FGFR1: variants seen among roughly 807,000 people sequenced by gnomAD.
FGFR1 encodes the protein fibroblast growth factor receptor 1.
FGFR1 carries 18 observed loss-of-function variants against 93.7 expected under a neutral mutation model. The ratio of observed to expected loss-of-function variants is 0.19; its 90% confidence interval spans 0.13 to 0.28. The LOEUF is 0.28. FGFR1 is among the 10% of genes least tolerant of loss of function. The pLI is 1.00. For missense variants in FGFR1, 731 were observed against 1,080.4 expected (o/e 0.68, Z 4.53); for synonymous variants, 448 against 429.3 (o/e 1.04, Z -0.54).
chr8:38,427,664 A>AG (rs1415103595), intron 5 of FGFR1, among the ~76,000 whole-genome samples: 2 of 152,222 alleles, frequency 1.3e-5, no homozygotes, highest in Non-Finnish European at 2.9e-5. Flanking sequence ...TATATCAGGA[A>AG]AAGACTCATG....
Position 38,468,447 on chromosome 8 carries a change from C to T in FGFR1, c.-555G>A, listed in dbSNP as rs901616183. The T allele has an allele frequency of 8.7e-5, 20 of 228,614 alleles. No homozygotes were observed. Among genetic ancestry groups the T allele is most frequent in the East Asian group, 4.9e-4 (8 of 16,408 alleles). The allele number at this position is 228,614 out of a possible 1,614,324, so 14.2% of individuals were successfully genotyped here. A position where few individuals can be genotyped will look rare whatever the true frequency, so the allele number is the denominator to read the frequency against. ...TTTCAAGCAGCGGCGCGCTCGCGGC[C>T]GGGGAAGGCGAGGTCGCCGCAATGC... On this transcript the variant is annotated 5_prime_UTR_variant, in exon 1 of 18. Coordinates refer to ENST00000447712, the MANE Select transcript of FGFR1 (RefSeq NM_023110.3).
At chr8:38,461,244 G>T in intron 1 of FGFR1, 8 of 917,628 alleles carry the variant, frequency 8.7e-6, no homozygotes, top group Non-Finnish European at 1.1e-5. Flanking sequence ...TGACCTTGAA[G>T]CTCTCCCACT....
At chr8:38,433,543 T>A (rs573883128) in intron 2 of FGFR1, among the ~76,000 whole-genome samples, 2 of 152,226 alleles carry the variant, frequency 1.3e-5, no homozygotes, top group South Asian at 4.1e-4. Flanking sequence ...CTCCAGACCT[T>A]AAGTGATCTG....
intron 11 of FGFR1, 113 bp downstream of exon 11, chr8:38,417,757 G>A (rs975485533): frequency 3.8e-4 from 561 of 1,480,734 alleles, no homozygotes; most frequent in Middle Eastern, 4.0e-4. Context: ...AGCAGGCAGC[G>A]GAGCAGGTGT....
At chr8:38,454,885 C>T (rs918324812) in intron 2 of FGFR1, among the ~76,000 whole-genome samples, 1 of 151,704 alleles carries the variant, frequency 6.6e-6, no homozygotes, top group East Asian at 1.9e-4. Flanking sequence ...GCCAAATTAA[C>T]TTTCTGAAAG....
chr8:38,432,404 G>C (rs938258767), intron 2 of FGFR1, among the ~76,000 whole-genome samples: 1 of 151,006 alleles, frequency 6.6e-6, no homozygotes, highest in Non-Finnish European at 1.5e-5. Context: ...AACCATCTCG[G>C]GATAAATTTT....
At chr8:38,418,017 TA>T (rs748493347) in intron 10 of FGFR1, 26 bp from the exon 11 acceptor site, 6 of 1,614,074 alleles carry the variant, frequency 3.7e-6, no homozygotes, top group South Asian at 1.1e-5. Context: ...GAGAGTGGCA[TA>T]AGTTGGGGCT....
At chr8:38,428,883 C>A (rs17175891) in intron 3 of FGFR1, 52 of 298,388 alleles carry the variant, frequency 1.7e-4, no homozygotes, top group African/African-American at 1.1e-3. Context: ...CAGAATTTTT[C>A]TAGCATGTGT....
chr8:38,417,719 A>G (rs1817202810), intron 11 of FGFR1, 151 bp downstream of exon 11: 2 of 1,080,094 alleles, frequency 1.9e-6, no homozygotes, highest in South Asian at 2.5e-5. Flanking sequence ...AAGGTGCAGA[A>G]CACCCCCTCC....
In FGFR1 at chr8:38,468,069, GC is replaced by G; in HGVS notation, c.-178del. ...CCCGCGTCCCCGGCTCCGGCCCGCC[GC>G]CCCCGGGCTCTGTTCGGGTCCTGGC... On this transcript the variant is annotated 5_prime_UTR_variant, in exon 1 of 18. Coordinates refer to ENST00000447712, the MANE Select transcript of FGFR1 (RefSeq NM_023110.3). 3 of 224,184 alleles carry G rather than the reference GC, an allele frequency of 1.3e-5. No homozygotes were observed. The highest frequency in any genetic ancestry group is 1.8e-4 in the South Asian group (1 of 5,474). The allele number at this position is 224,184 out of a possible 1,614,324, so 13.9% of individuals were successfully genotyped here.
chr8:38,450,133 T>G (rs1307075231), intron 2 of FGFR1, among the ~76,000 whole-genome samples: 1 of 152,068 alleles, frequency 6.6e-6, no homozygotes, highest in Non-Finnish European at 1.5e-5. Flanking sequence ...CAGATCCAGG[T>G]AGGGCAGTTA....
At chr8:38,416,408 C>T (rs1816616037) in intron 12 of FGFR1, among the ~76,000 whole-genome samples, 1 of 151,846 alleles carries the variant, frequency 6.6e-6, no homozygotes, top group African/African-American at 2.4e-5. Flanking sequence ...CCTCAGCCTC[C>T]CAAGCAGCTG....
At position 38,412,195 on chromosome 8, in the gene FGFR1, G is replaced by A. The variant is rs1319167561; in HGVS notation, c.*1433C>T. ...CTCCTGTGGAGCTGGGATTACAGGC[G>A]TGTGCCACCATGCCTGGATAATTTT... On this transcript the variant is annotated 3_prime_UTR_variant, in exon 18 of 18. Coordinates refer to ENST00000447712, the MANE Select transcript of FGFR1 (RefSeq NM_023110.3). 2 of 209,106 alleles carry A rather than the reference G, an allele frequency of 9.6e-6. No homozygotes were observed. The highest frequency in any genetic ancestry group is 1.9e-4 in the South Asian group (1 of 5,324). The allele number at this position is 209,106 out of a possible 1,614,324, so 13.0% of individuals were successfully genotyped here. A position where few individuals can be genotyped will look rare whatever the true frequency, so the allele number is the denominator to read the frequency against.
At chr8:38,421,579 ACGGGTGGGAGGCCTCCGTG>A in intron 8 of FGFR1, 199 bp downstream of exon 8, 1 of 622,202 alleles carries the variant, frequency 1.6e-6, no homozygotes, top group South Asian at 1.8e-5. Flanking sequence ...AGGCAGGTGT[ACGGGTGGGAGGCCTCCGTG>A]CGCCTGCAAA....
At chr8:38,449,035 G>A (rs1055659466) in intron 2 of FGFR1, among the ~76,000 whole-genome samples, 2 of 152,010 alleles carry the variant, frequency 1.3e-5, no homozygotes, top group South Asian at 2.1e-4. Context: ...CCAGGAGGTC[G>A]AGGCTGCAGT....
intron 2 of FGFR1, among the ~76,000 whole-genome samples, chr8:38,432,656 C>A (rs13252150): frequency 6.6e-6 from 1 of 152,128 alleles, no homozygotes; most frequent in Non-Finnish European, 1.5e-5. Flanking sequence ...CTGCCTGCCT[C>A]GGCCTCCCAA....
At chr8:38,440,351 A>C in intron 2 of FGFR1, 1 of 1,602,342 alleles carries the variant, frequency 6.2e-7, no homozygotes, top group Non-Finnish European at 8.5e-7. Flanking sequence ...ATCTCACCGA[A>C]ATCCCGGGTC....
chr8:38,466,066 TCAAAGACTATTAC>T (rs1264336421), intron 1 of FGFR1: 1 of 230,940 alleles, frequency 4.3e-6, no homozygotes, highest in East Asian at 6.0e-5. Flanking sequence ...CTTTCCTGCC[TCAAAGACTATTAC>T]CAAACACAAC....
At chr8:38,423,366 G>A in intron 7 of FGFR1, 1 of 515,618 alleles carries the variant, frequency 1.9e-6, no homozygotes, top group South Asian at 2.1e-5. Flanking sequence ...CTGTCACCCA[G>A]GCTGGAGTGC....
Sources: gnomAD v4.1 joint callset for allele counts (sites outside exome capture counted in the v4.1 genomes callset) on GRCh38, gnomAD v4.1.1 for gene constraint, MANE v1.5 for transcripts, NCBI Gene and HGNC (gene_info 2026-07-23, HGNC 2026-07-21) for gene names.